FNDC3B: variants seen among roughly 807,000 people sequenced by gnomAD.
FNDC3B encodes fibronectin type III domain containing 3B, also known as fibronectin type III domain-containing protein 3B.
FNDC3B carries 12 observed loss-of-function variants against 151.5 expected under a neutral mutation model. The ratio of observed to expected loss-of-function variants is 0.08; its 90% CI spans 0.05 to 0.13. FNDC3B has a LOEUF of 0.13. Ranked by LOEUF, FNDC3B falls within the 10% of genes least tolerant of loss-of-function variation. FNDC3B has a pLI of 1.00. For missense variants in FNDC3B, 1,214 were observed against 1,505.3 expected (o/e 0.81, Z 3.20); for synonymous variants, 528 against 549.0 (o/e 0.96, Z 0.54).
intron 4 of FNDC3B, among the ~76,000 whole-genome samples, chr3:172,233,304 A>T (rs759401177): frequency 6.6e-6 from 1 of 152,220 alleles, no homozygotes; most frequent in Non-Finnish European, 1.5e-5. Flanking sequence ...GTAATCCCAA[A>T]AGTTAGTAGT....
chr3:172,328,787 A>G (rs549282134), intron 11 of FNDC3B, among the ~76,000 whole-genome samples, 165 bp from the exon 12 acceptor site: 6 of 152,196 alleles, frequency 3.9e-5, no homozygotes, highest in Admixed American at 3.3e-4. Context: ...AGAATGCTTT[A>G]TTTGCAACAT....
In FNDC3B at chr3:172,195,519, T is replaced by G. The variant is rs191493171; in HGVS notation, c.188-31352T>G. ...GATGCTTAAAGCTCCACAACACACG[T>G]TAAGAATCTGAGAAGTTGTGCTGCT... On this transcript the variant is annotated intron_variant, in intron 3 of 25. Coordinates refer to ENST00000415807, the MANE Select transcript of FNDC3B (RefSeq NM_022763.4). 3.3e-5 allele frequency among the ~76,000 whole-genome samples: 5 copies of G among 152,352 alleles called. No individual in the cohort carries two copies. The East Asian group carries it at 9.6e-4, about 29-fold the overall frequency.
intron 23 of FNDC3B, among the ~76,000 whole-genome samples, chr3:172,377,883 G>A (rs1481451676): frequency 6.6e-6 from 1 of 152,132 alleles, no homozygotes; most frequent in East Asian, 1.9e-4. Context: ...CAGGTGTCCT[G>A]TTAACATTAA....
At chr3:172,280,892 T>TCTTTCTTTTTTTTGAAAAAA (rs1397063563) in intron 6 of FNDC3B, among the ~76,000 whole-genome samples, 3 of 151,072 alleles carry the variant, frequency 2.0e-5, no homozygotes, top group Non-Finnish European at 4.4e-5. Context: ...GTTTTTTCTT[T>TCTTTCTTTTTTTTGAAAAAA]CTTTCTTTTT....
At chr3:172,248,668 C>T (rs1349862045) in intron 5 of FNDC3B, among the ~76,000 whole-genome samples, 2 of 148,358 alleles carry the variant, frequency 1.3e-5, no homozygotes, top group African/African-American at 2.5e-5. Context: ...CAAGTTATCA[C>T]TTTTAAGAAT....
Position 172,328,902 on chromosome 3 carries a change from G to GTT in FNDC3B, c.1255-49_1255-48dup. On this transcript the variant is annotated intron_variant, in intron 11 of 25. Transcript: ENST00000415807. ...CTCCTTCATTTATTTAGGGTTATCT[G>GTT]TTGTTTTTTTTTTTTTAAGTATATG... is the stretch of plus-strand genomic sequence containing the variant. 5.5e-6 allele frequency: 7 copies of GTT among 1,279,288 alleles called. No homozygotes were observed. In the South Asian group the frequency reaches 1.1e-4, roughly 19 times the overall value. The allele number at this position is 1,279,288 out of a possible 1,614,324, so 79.2% of individuals were successfully genotyped here.
Position 172,144,051 on chromosome 3 carries a change from T to A in FNDC3B, c.187+10505T>A, listed in dbSNP as rs536157770. Among the ~76,000 whole-genome samples, 440 of 152,320 alleles carry A rather than the reference T, an allele frequency of 2.9e-3. 2 individuals carry two copies. Among genetic ancestry groups the A allele is most frequent in the African/African-American group, 0.01 (429 of 41,564 alleles). Reference sequence around the variant, plus strand: ...AAGGAAAAGAGGTTTAATTGGGTCATGGTTCTGCAGGATATATAGGAAGCT... The same window carrying A: ...AAGGAAAAGAGGTTTAATTGGGTCAAGGTTCTGCAGGATATATAGGAAGCT... On this transcript the variant is annotated intron_variant, in intron 3 of 25. Transcript: ENST00000415807.
intron 7 of FNDC3B, among the ~76,000 whole-genome samples, chr3:172,288,030 C>A (rs2108829303): frequency 6.6e-6 from 1 of 152,348 alleles, no homozygotes; most frequent in East Asian, 1.9e-4. Context: ...ATTGGCTTCT[C>A]AGAGCCTAGT....
In FNDC3B at chr3:172,284,443, G is replaced by T. The variant is rs148034938; in HGVS notation, c.791-1483G>T. Among the ~76,000 whole-genome samples, 108 of 152,172 alleles carry T rather than the reference G, an allele frequency of 7.1e-4. 1 individual carries two copies. In the East Asian group the frequency reaches 0.02, roughly 29 times the overall value. ...TAAGAAAGACCAGAAGTAAGCAAGG[G>T]AACAAATAAGAAAGATAGTTCTTTT... On this transcript the variant is annotated intron_variant, in intron 6 of 25. Transcript: ENST00000415807.
At chr3:172,101,195 C>T (rs1719362002) in intron 1 of FNDC3B, among the ~76,000 whole-genome samples, 1 of 152,156 alleles carries the variant, frequency 6.6e-6, no homozygotes, top group African/African-American at 2.4e-5. Flanking sequence ...ACAAATTCAC[C>T]TTCTGTAACA....
intron 1 of FNDC3B, among the ~76,000 whole-genome samples, chr3:172,069,515 G>A (rs919855862): frequency 6.6e-6 from 1 of 152,118 alleles, no homozygotes; most frequent in Non-Finnish European, 1.5e-5. Context: ...TGTACAGAAC[G>A]TGTGGGTTTG....
intron 3 of FNDC3B, among the ~76,000 whole-genome samples, chr3:172,163,908 C>T (rs1016987552): frequency 6.6e-6 from 1 of 152,208 alleles, no homozygotes; most frequent in Non-Finnish European, 1.5e-5. Flanking sequence ...GCCTTTGGTA[C>T]ATTCAGACTT....
At chr3:172,139,781 A>G (rs1721529265) in intron 3 of FNDC3B, among the ~76,000 whole-genome samples, 1 of 149,860 alleles carries the variant, frequency 6.7e-6, no homozygotes, top group Non-Finnish European at 1.5e-5. Context: ...GAGACAGGGT[A>G]TCCTGTCTCA....
chr3:172,313,224 C>T (rs1475322631), intron 11 of FNDC3B, among the ~76,000 whole-genome samples: 2 of 152,176 alleles, frequency 1.3e-5, no homozygotes, highest in Non-Finnish European at 2.9e-5. Context: ...ACTTTCTAGA[C>T]ATCTCCTGCC....
At chr3:172,346,817 C>T (rs1733637530) in intron 20 of FNDC3B, among the ~76,000 whole-genome samples, 1 of 152,112 alleles carries the variant, frequency 6.6e-6, no homozygotes, top group African/African-American at 2.4e-5. Flanking sequence ...GATTCTCCTG[C>T]CTCAGCCTCC....
intron 3 of FNDC3B, among the ~76,000 whole-genome samples, chr3:172,143,795 G>A (rs920062576): frequency 1.4e-4 from 21 of 152,008 alleles, no homozygotes; most frequent in Admixed American, 5.9e-4. Flanking sequence ...TGTAGTCCCA[G>A]CTACTCTGGA....
At position 172,054,284 on chromosome 3, in the gene FNDC3B, A is replaced by G. The variant is rs573611008; in HGVS notation, c.-29+14513A>G. On this transcript the variant is annotated intron_variant, in intron 1 of 25. Coordinates refer to ENST00000415807, the MANE Select transcript of FNDC3B (RefSeq NM_022763.4). ...TGAGAACTCAGAAAGCAGCTCCTGC[A>G]GTTAATTAAAGGTGACCTCAGGATT... Among the ~76,000 whole-genome samples the G allele has an allele frequency of 7.2e-5, 11 of 152,340 alleles. No individual in the cohort carries two copies. In the East Asian group the frequency reaches 2.1e-3, roughly 29 times the overall value.
intron 6 of FNDC3B, among the ~76,000 whole-genome samples, chr3:172,263,332 G>A (rs951529694): frequency 9.9e-5 from 15 of 151,866 alleles, no homozygotes; most frequent in African/African-American, 1.2e-4. Flanking sequence ...GGAACAGTAC[G>A]ATCTTTCAAA....
Position 172,401,080 on chromosome 3 carries a change from G to C in FNDC3B, c.*3605G>C, listed in dbSNP as rs1012042584. The C allele has an allele frequency of 6.6e-6, 1 of 152,030 alleles. No individual in the cohort carries two copies. Among genetic ancestry groups the C allele is most frequent in the African/African-American group, 2.4e-5 (1 of 41,338 alleles). The allele number at this position is 152,030 out of a possible 1,614,324, so 9.4% of individuals were successfully genotyped here. ...TGGGACTACAGGTGCCCGCCACCACGCCCGGCTAATTTTTTTAATTTTAGT... is the reference window on the plus strand; with the variant it reads ...TGGGACTACAGGTGCCCGCCACCACCCCCGGCTAATTTTTTTAATTTTAGT... On this transcript the variant is annotated 3_prime_UTR_variant, in exon 26 of 26. Transcript: ENST00000415807.
Sources: allele counts gnomAD v4.1 joint callset (sites outside exome capture counted in the v4.1 genomes callset), GRCh38; gene constraint gnomAD v4.1.1; transcripts MANE v1.5; gene names NCBI Gene and HGNC (gene_info 2026-07-23, HGNC 2026-07-21).